CFAP44: variants seen among roughly 807,000 people sequenced by gnomAD.
CFAP44 encodes the protein cilia and flagella associated protein 44.
Under a neutral mutation model 216.2 loss-of-function variants are expected in CFAP44, and 134 were observed. That is an observed-to-expected ratio of 0.62 (90% CI 0.54 to 0.72). CFAP44 has a LOEUF of 0.72. CFAP44 is among the 30% of genes least tolerant of loss of function. The probability of loss-of-function intolerance (pLI) is 0.00; values close to 1 mark genes in which losing one functional copy is unlikely to be tolerated. For missense variants in CFAP44, 2,035 were observed against 2,182.1 expected (o/e 0.93, Z 1.34); for synonymous variants, 700 against 727.6 (o/e 0.96, Z 0.61).
In CFAP44 at chr3:113,291,669, T is replaced by G; in HGVS notation, c.5453A>C (p.Glu1818Ala). The G allele has an allele frequency of 6.5e-7, 1 of 1,537,358 alleles. No individual in the cohort carries two copies. Among genetic ancestry groups the G allele is most frequent in the Non-Finnish European group, 8.7e-7 (1 of 1,146,982 alleles). ...CTCCTCCTTTAAGGCCGAAATCCTT[T>G]CCGCCTGGAGTTGGATCAATTCAGT... ...EVTELIQLQAERISALKEEIA... is the reference protein window; with the variant it reads ...EVTELIQLQAARISALKEEIA... Residue 1818 changes from glutamate to alanine, a missense_variant, in exon 35 of 35, where the codon GAA becomes GCA. Coordinates refer to ENST00000393845, the MANE Select transcript of CFAP44 (RefSeq NM_001164496.2).
At chr3:113,424,063 T>A (rs986141548) in intron 4 of CFAP44, among the ~76,000 whole-genome samples, 1 of 152,212 alleles carries the variant, frequency 6.6e-6, no homozygotes, top group Non-Finnish European at 1.5e-5. Flanking sequence ...ACCTGGAGGC[T>A]GAACTTAAAG....
In CFAP44 at chr3:113,291,498, G is replaced by T; in HGVS notation, c.*59C>A. 6.6e-7 allele frequency: 1 copy of T among 1,504,970 alleles called. No individual in the cohort carries two copies. The highest frequency in any genetic ancestry group is 1.2e-5 in the South Asian group (1 of 80,020). 93.2% of individuals were successfully genotyped at this position (1,504,970 alleles called of 1,614,324 possible). On this transcript the variant is annotated 3_prime_UTR_variant, in exon 35 of 35. Coordinates refer to ENST00000393845, the MANE Select transcript of CFAP44 (RefSeq NM_001164496.2). ...ATAAGATTGTTGGAGGTGATGAGGA[G>T]ACAGAACTTCCAGTGAGTTATGTCA...
At chr3:113,433,183 CT>C (rs923378069) in intron 2 of CFAP44, among the ~76,000 whole-genome samples, 21 of 151,922 alleles carry the variant, frequency 1.4e-4, no homozygotes, top group African/African-American at 5.1e-4. Context: ...AATCCCAGCA[CT>C]TTGGGAGGCA....
At chr3:113,319,247 C>T (rs775150983) in intron 28 of CFAP44, among the ~76,000 whole-genome samples, 12 of 152,004 alleles carry the variant, frequency 7.9e-5, no homozygotes, top group Non-Finnish European at 1.8e-4. Flanking sequence ...AAAGATCTAC[C>T]ATGTAAATGG....
At chr3:113,341,104 A>G (rs73235059) in intron 24 of CFAP44, among the ~76,000 whole-genome samples, 28,356 of 152,146 alleles carry the variant, frequency 0.19, 3,204 homozygotes, top group East Asian at 0.41. Flanking sequence ...ATGTCCAGCC[A>G]CTTCTGTGTC....
intron 24 of CFAP44, among the ~76,000 whole-genome samples, chr3:113,335,713 T>C (rs1950276491): frequency 6.6e-6 from 1 of 152,148 alleles, no homozygotes; most frequent in Admixed American, 6.5e-5. Flanking sequence ...ATAGAAGATA[T>C]GAAAAACATT....
chr3:113,320,223 A>AGT (rs1950129430), intron 28 of CFAP44, among the ~76,000 whole-genome samples: 1 of 142,678 alleles, frequency 7.0e-6, no homozygotes, highest in African/African-American at 2.8e-5. Flanking sequence ...GAGGTATATT[A>AGT]GTCTCTCTCT....
chr3:113,328,785 T>C (rs1047306739), intron 26 of CFAP44, among the ~76,000 whole-genome samples: 6 of 150,904 alleles, frequency 4.0e-5, no homozygotes, highest in Admixed American at 2.0e-4. Context: ...ACTATATGTT[T>C]GGGCTCCCCT....
chr3:113,409,436 T>C (rs896411009), intron 6 of CFAP44, 114 bp from the exon 7 acceptor site: 10 of 890,892 alleles, frequency 1.1e-5, no homozygotes, highest in African/African-American at 6.7e-5. Context: ...ATGCCAAGAA[T>C]ACCCTAAAGG....
intron 2 of CFAP44, among the ~76,000 whole-genome samples, chr3:113,431,354 A>G (rs985840445): frequency 5.9e-5 from 9 of 152,154 alleles, no homozygotes; most frequent in African/African-American, 1.7e-4. Context: ...ACAGCATCTG[A>G]CATAAGGAAG....
chr3:113,308,496 T>A (rs1218611903), intron 28 of CFAP44, among the ~76,000 whole-genome samples: 1 of 152,222 alleles, frequency 6.6e-6, no homozygotes, highest in African/African-American at 2.4e-5. Flanking sequence ...AAGCTGCAGA[T>A]GTTGTAGTCC....
chr3:113,418,402 G>A (rs889490562), intron 5 of CFAP44, among the ~76,000 whole-genome samples: 6 of 152,014 alleles, frequency 3.9e-5, no homozygotes, highest in African/African-American at 1.4e-4. Flanking sequence ...TTTTATTTTT[G>A]GTGAAGACCT....
At chr3:113,336,543 C>G (rs1226173635) in intron 24 of CFAP44, among the ~76,000 whole-genome samples, 1 of 151,906 alleles carries the variant, frequency 6.6e-6, no homozygotes, top group African/African-American at 2.4e-5. Flanking sequence ...AGCACTATAA[C>G]AACAAAAATT....
chr3:113,419,973 G>C, intron 5 of CFAP44, 44 bp downstream of exon 5: 1 of 1,598,574 alleles, frequency 6.3e-7, no homozygotes, highest in African/African-American at 1.3e-5. Context: ...CAAGCAAAAA[G>C]ATAGGGTTTT....
intron 22 of CFAP44, among the ~76,000 whole-genome samples, chr3:113,355,449 G>T (rs2107304679): frequency 6.6e-6 from 1 of 152,264 alleles, no homozygotes; most frequent in South Asian, 2.1e-4. Flanking sequence ...GAACCCAAGA[G>T]GCAGAGGTTG....
chr3:113,421,158 TA>T (rs1257764837), intron 4 of CFAP44, among the ~76,000 whole-genome samples: 4 of 151,718 alleles, frequency 2.6e-5, no homozygotes, highest in African/African-American at 9.7e-5. Context: ...AAGAAAAAAA[TA>T]ATCCCACTAA....
chr3:113,307,744 T>C (rs1576539663), intron 29 of CFAP44, among the ~76,000 whole-genome samples: 1 of 152,106 alleles, frequency 6.6e-6, no homozygotes, highest in Non-Finnish European at 1.5e-5. Context: ...CTGAGGCAGG[T>C]GGATCATGAG....
intron 4 of CFAP44, among the ~76,000 whole-genome samples, chr3:113,422,958 T>C (rs1332620870): frequency 6.6e-6 from 1 of 152,160 alleles, no homozygotes; most frequent in Non-Finnish European, 1.5e-5. Flanking sequence ...CCCTCTAAAT[T>C]ACAACTTACT....
intron 31 of CFAP44, 68 bp downstream of exon 31, chr3:113,304,964 ATCTT>A: frequency 7.4e-7 from 1 of 1,359,918 alleles, no homozygotes; most frequent in Non-Finnish European, 1.0e-6. Flanking sequence ...TGAACTATGA[ATCTT>A]TCTCTGAAAA....
Sources: gnomAD v4.1 joint callset for allele counts (sites outside exome capture counted in the v4.1 genomes callset) on GRCh38, gnomAD v4.1.1 for gene constraint, MANE v1.5 for transcripts, NCBI Gene and HGNC (gene_info 2026-07-23, HGNC 2026-07-21) for gene names.